The following RAB31 variants were observed in gnomAD, a reference collection of about 807,000 sequenced individuals.
The protein encoded by RAB31 is ras-related protein Rab-31.
A neutral mutation model predicts 25.6 loss-of-function variants in RAB31; 21 were observed. The ratio of observed to expected loss-of-function variants is 0.82; its 90% CI spans 0.58 to 1.18. The LOEUF is 1.18. Among genes scored for constraint, RAB31 ranks in the 50% most tolerant of loss-of-function variants. RAB31 has a pLI of 0.00. For missense variants in RAB31, 196 were observed against 250.1 expected (o/e 0.78, Z 1.46); for synonymous variants, 87 against 84.0 (o/e 1.04, Z -0.20).
chr18:9,802,035 A>G (rs536168908), intron 3 of RAB31, among the ~76,000 whole-genome samples: 7 of 152,112 alleles, frequency 4.6e-5, no homozygotes, highest in African/African-American at 1.7e-4. Flanking sequence ...TTTGATATAC[A>G]TTTTTTCTCC....
intron 1 of RAB31, among the ~76,000 whole-genome samples, chr18:9,714,535 G>C (rs767374812): frequency 6.6e-6 from 1 of 152,194 alleles, no homozygotes; most frequent in Non-Finnish European, 1.5e-5. Flanking sequence ...GTGCTAGAAC[G>C]CAAAAGCTTT....
intron 1 of RAB31, among the ~76,000 whole-genome samples, chr18:9,732,815 C>G (rs547612650): frequency 6.6e-6 from 1 of 152,336 alleles, no homozygotes; most frequent in Non-Finnish European, 1.5e-5. Flanking sequence ...ACTGTAAACA[C>G]ACAAGAGTTT....
At chr18:9,712,936 A>G (rs1310388450) in intron 1 of RAB31, among the ~76,000 whole-genome samples, 1 of 152,196 alleles carries the variant, frequency 6.6e-6, no homozygotes, top group Non-Finnish European at 1.5e-5. Context: ...TGGAATGTAT[A>G]TGGTGGCTCA....
At chr18:9,850,563 A>G (rs182299119) in intron 6 of RAB31, among the ~76,000 whole-genome samples, 17 of 152,362 alleles carry the variant, frequency 1.1e-4, no homozygotes, top group Admixed American at 7.2e-4. Context: ...ATAGCTATGC[A>G]TTTTGCTCCA....
At chr18:9,769,344 A>G (rs145087300) in intron 1 of RAB31, among the ~76,000 whole-genome samples, 1,585 of 152,274 alleles carry the variant, frequency 0.01, 27 homozygotes, top group African/African-American at 0.027. Context: ...ATGTTCTTCC[A>G]TTTGTATGTG....
intron 1 of RAB31, among the ~76,000 whole-genome samples, chr18:9,747,071 A>G (rs993789247): frequency 1.3e-5 from 2 of 152,234 alleles, no homozygotes; most frequent in Non-Finnish European, 2.9e-5. Context: ...ACACAAAAAG[A>G]CAAAGTACTC....
At chr18:9,743,918 C>T (rs2068192516) in intron 1 of RAB31, among the ~76,000 whole-genome samples, 1 of 152,202 alleles carries the variant, frequency 6.6e-6, no homozygotes, top group Admixed American at 6.5e-5. Flanking sequence ...ACTGTCATCC[C>T]CTCACCCATC....
At chr18:9,737,449 C>T (rs2068156460) in intron 1 of RAB31, among the ~76,000 whole-genome samples, 1 of 152,078 alleles carries the variant, frequency 6.6e-6, no homozygotes, top group Non-Finnish European at 1.5e-5. Context: ...TATAATAGAG[C>T]ATCTGCAATT....
intron 2 of RAB31, among the ~76,000 whole-genome samples, chr18:9,782,904 G>A (rs1334693297): frequency 6.6e-6 from 1 of 151,966 alleles, no homozygotes; most frequent in African/African-American, 2.4e-5. Flanking sequence ...TTATTTTTGT[G>A]GAGATGAGGT....
chr18:9,763,600 TTATATA>T lies in RAB31; in HGVS notation c.40-11660_40-11655del, dbSNP rs57545209. ...GAGAGATAGAAAATAAAGAAAAAAA[TTATATA>T]TATATATATATATATATGGTGAAAA... On this transcript the variant is annotated intron_variant, in intron 1 of 6. Coordinates refer to ENST00000578921, the MANE Select transcript of RAB31 (RefSeq NM_006868.4). 2.4e-3 allele frequency among the ~76,000 whole-genome samples: 337 copies of T among 141,702 alleles called. 1 individual carries two copies. The highest frequency in any genetic ancestry group is 8.0e-3 in the African/African-American group (311 of 38,848). The allele number at this position is 141,702 out of a possible 152,430, so 93.0% of individuals were successfully genotyped here.
At chr18:9,775,493 C>A in intron 2 of RAB31, 136 bp downstream of exon 2, 1 of 1,458,464 alleles carries the variant, frequency 6.9e-7, no homozygotes, top group Non-Finnish European at 9.2e-7. Flanking sequence ...CAGCTGTAGA[C>A]CGACAGAAAT....
intron 1 of RAB31, among the ~76,000 whole-genome samples, chr18:9,735,823 A>G (rs2068148330): frequency 6.6e-6 from 1 of 152,162 alleles, no homozygotes; most frequent in South Asian, 2.1e-4. Context: ...AATCAGTAAC[A>G]TCTTCTTTGC....
chr18:9,791,719 A>G (rs558349817), intron 2 of RAB31, among the ~76,000 whole-genome samples: 2 of 152,126 alleles, frequency 1.3e-5, no homozygotes, highest in South Asian at 2.1e-4. Context: ...TTAGCCTCCC[A>G]AGTAGCTGGG....
chr18:9,805,767 T>G (rs573334889), intron 3 of RAB31, among the ~76,000 whole-genome samples: 5 of 152,218 alleles, frequency 3.3e-5, no homozygotes, highest in Non-Finnish European at 7.3e-5. Flanking sequence ...TGTAAACCTG[T>G]GTCTTAATTA....
At chr18:9,754,943 T>G (rs2068253617) in intron 1 of RAB31, among the ~76,000 whole-genome samples, 2 of 152,244 alleles carry the variant, frequency 1.3e-5, no homozygotes, top group Admixed American at 6.5e-5. Context: ...TGTCACAGGA[T>G]TGCAAGCCCA....
intron 3 of RAB31, among the ~76,000 whole-genome samples, chr18:9,811,151 T>C (rs1037286646): frequency 6.6e-6 from 1 of 152,212 alleles, no homozygotes; most frequent in African/African-American, 2.4e-5. Flanking sequence ...ATGGGGGCAG[T>C]GGGTGGCGCC....
chr18:9,756,948 G>T (rs1159397593), intron 1 of RAB31, among the ~76,000 whole-genome samples: 1 of 152,198 alleles, frequency 6.6e-6, no homozygotes, highest in Non-Finnish European at 1.5e-5. Context: ...AGTCTGTTCT[G>T]ATTGATTGGT....
chr18:9,833,833 A>G (rs2068691368), intron 5 of RAB31, among the ~76,000 whole-genome samples: 1 of 152,100 alleles, frequency 6.6e-6, no homozygotes. Context: ...TTGGTTTTAA[A>G]ACAGTGCCAA....
intron 3 of RAB31, among the ~76,000 whole-genome samples, chr18:9,799,121 T>G (rs2068501407): frequency 6.6e-6 from 1 of 152,192 alleles, no homozygotes; most frequent in African/African-American, 2.4e-5. Flanking sequence ...CTTGCTATGT[T>G]GTGCAGGCTG....
Sources: allele counts gnomAD v4.1 joint callset (sites outside exome capture counted in the v4.1 genomes callset), GRCh38; gene constraint gnomAD v4.1.1; transcripts MANE v1.5; gene names NCBI Gene and HGNC (gene_info 2026-07-23, HGNC 2026-07-21).